Variants in KRABD5 observed in about 807,000 individuals in gnomAD.
KRABD5 encodes KRAB domain containing 5, also known as KRAB domain-containing protein 5.
chr16:31,747,608 A>G, the KRABD5 span, among the ~76,000 whole-genome samples: 1 of 152,214 alleles, frequency 6.6e-6, no homozygotes, highest in Non-Finnish European at 1.5e-5. Flanking sequence ...TCCCACCAAC[A>G]GTGTAAAAGT....
At chr16:31,735,200 G>A in the KRABD5 span, among the ~76,000 whole-genome samples, 1 of 151,428 alleles carries the variant, frequency 6.6e-6, no homozygotes, top group Non-Finnish European at 1.5e-5. Flanking sequence ...CACTTAACAT[G>A]ATATCTCATG....
chr16:31,759,556 T>G, the KRABD5 span: 1 of 806,672 alleles, frequency 1.2e-6, no homozygotes, highest in African/African-American at 1.7e-5. Context: ...AAAAAAAATC[T>G]TAAAAAAATT....
chr16:31,755,206 A>G, the KRABD5 span: 1 of 473,638 alleles, frequency 2.1e-6, no homozygotes, highest in Admixed American at 2.3e-5. Context: ...ATACCGGAGA[A>G]AAACTTTACA....
chr16:31,735,220 T>C, the KRABD5 span, among the ~76,000 whole-genome samples: 2 of 152,220 alleles, frequency 1.3e-5, no homozygotes, highest in Non-Finnish European at 2.9e-5. Context: ...GGTTCATCCA[T>C]GTTATTGCAA....
At chr16:31,723,396 C>G in the KRABD5 span, 2 of 1,566,910 alleles carry the variant, frequency 1.3e-6, no homozygotes, top group Non-Finnish European at 1.7e-6. Flanking sequence ...GCGAGAGGTC[C>G]AGAGATTAAG....
chr16:31,754,253 A>T, the KRABD5 span: 25 of 640,888 alleles, frequency 3.9e-5, no homozygotes, highest in South Asian at 4.2e-4. Context: ...AATTTGATGG[A>T]TCTTTGTTAA....
At chr16:31,719,998 A>G in the KRABD5 span, among the ~76,000 whole-genome samples, 1 of 152,208 alleles carries the variant, frequency 6.6e-6, no homozygotes, top group African/African-American at 2.4e-5. Context: ...AAGAAGAGAG[A>G]GAAAGGCTAG....
At chr16:31,742,947 G>A in the KRABD5 span, among the ~76,000 whole-genome samples, 1 of 152,134 alleles carries the variant, frequency 6.6e-6, no homozygotes, top group Non-Finnish European at 1.5e-5. Context: ...TTTGTTGGTT[G>A]CATAAATGTC....
At chr16:31,731,704 G>A in the KRABD5 span, among the ~76,000 whole-genome samples, 1 of 152,192 alleles carries the variant, frequency 6.6e-6, no homozygotes. Flanking sequence ...GATTCACAGT[G>A]AGACTAATGT....
the KRABD5 span, among the ~76,000 whole-genome samples, chr16:31,740,205 C>A: frequency 6.6e-6 from 1 of 152,144 alleles, no homozygotes; most frequent in Non-Finnish European, 1.5e-5. Context: ...GTCTCCACGA[C>A]CGAGCTGGTC....
the KRABD5 span, chr16:31,713,634 G>A: frequency 1.0e-5 from 7 of 699,514 alleles, no homozygotes; most frequent in Non-Finnish European, 1.2e-5. Flanking sequence ...CGACCCCGCA[G>A]AGCGACCTCT....
chr16:31,739,029 T>C, the KRABD5 span, among the ~76,000 whole-genome samples: 1 of 152,234 alleles, frequency 6.6e-6, no homozygotes, highest in Non-Finnish European at 1.5e-5. Flanking sequence ...AGATTTGTGG[T>C]TATTTTAAAG....
At chr16:31,725,289 C>T in the KRABD5 span, among the ~76,000 whole-genome samples, 16 of 151,944 alleles carry the variant, frequency 1.1e-4, no homozygotes, top group African/African-American at 3.1e-4. Flanking sequence ...CTAATTTTTT[C>T]GTATTTTTAG....
the KRABD5 span, among the ~76,000 whole-genome samples, chr16:31,729,266 A>G: frequency 6.6e-6 from 1 of 152,232 alleles, no homozygotes; most frequent in African/African-American, 2.4e-5. Flanking sequence ...TTGTGCTGCT[A>G]TATCAGAATA....
chr16:31,752,186 A>G, the KRABD5 span, among the ~76,000 whole-genome samples: 13 of 152,142 alleles, frequency 8.5e-5, no homozygotes, highest in Non-Finnish European at 1.5e-4. Flanking sequence ...TATAGGGTCA[A>G]TCTTCAAGTA....
At chr16:31,750,688 T>A in the KRABD5 span, among the ~76,000 whole-genome samples, 2 of 152,060 alleles carry the variant, frequency 1.3e-5, no homozygotes, top group African/African-American at 4.8e-5. Context: ...TTTAGAGGTA[T>A]GTTTCTTCAA....
At chr16:31,721,285 G>A in the KRABD5 span, among the ~76,000 whole-genome samples, 49 of 152,014 alleles carry the variant, frequency 3.2e-4, 1 homozygote, top group South Asian at 7.7e-3. Context: ...TTCTATGTAC[G>A]TATGTGCGTG....
At chr16:31,734,226 CTCT>C in the KRABD5 span, among the ~76,000 whole-genome samples, 3 of 150,886 alleles carry the variant, frequency 2.0e-5, 1 homozygote, top group Non-Finnish European at 4.4e-5. Context: ...TCAAAAGTCT[CTCT>C]TCTAACTTTT....
the KRABD5 span, among the ~76,000 whole-genome samples, chr16:31,740,632 ATTTT>A: frequency 9.3e-4 from 136 of 146,680 alleles, no homozygotes; most frequent in African/African-American, 3.3e-3. Flanking sequence ...TGCGTCTAAG[ATTTT>A]TTTTTTTTTT....
Sources: gnomAD v4.1 joint callset for allele counts (sites outside exome capture counted in the v4.1 genomes callset) on GRCh38, gnomAD v4.1.1 for gene constraint, MANE v1.5 for transcripts, NCBI Gene and HGNC (gene_info 2026-07-23, HGNC 2026-07-21) for gene names.